The following ZNF407 variants were observed in gnomAD, a reference collection of about 807,000 sequenced individuals.
ZNF407 encodes the protein zinc finger protein 407.
A neutral mutation model predicts 131.2 loss-of-function variants in ZNF407; 17 were observed. The ratio of observed to expected loss-of-function variants is 0.13; its 90% CI spans 0.09 to 0.19. ZNF407 has a LOEUF of 0.19. Among genes scored for constraint, ZNF407 ranks in the 10% least tolerant of loss-of-function variants. ZNF407 has a pLI of 1.00. For missense variants in ZNF407, 2,681 were observed against 2,830.6 expected, an observed-to-expected ratio of 0.95 and a Z score of 1.20; for synonymous variants, 1,156 against 1,062.0, an observed-to-expected ratio of 1.09 and a Z score of -1.72.
chr18:74,745,399 C>T (rs1333874160), intron 3 of ZNF407, among the ~76,000 whole-genome samples: 1 of 152,020 alleles, frequency 6.6e-6, no homozygotes, highest in African/African-American at 2.4e-5. Flanking sequence ...TTCTCAATCT[C>T]ACCTGACAAA....
At chr18:74,916,880 C>A (rs1971779011) in intron 7 of ZNF407, among the ~76,000 whole-genome samples, 1 of 151,942 alleles carries the variant, frequency 6.6e-6, no homozygotes, top group African/African-American at 2.4e-5. Context: ...TGATAATTAG[C>A]AGTAGCTGCA....
chr18:74,615,985 T>G (rs888003195), intron 1 of ZNF407, among the ~76,000 whole-genome samples: 6 of 152,104 alleles, frequency 3.9e-5, no homozygotes, highest in Non-Finnish European at 7.4e-5. Flanking sequence ...TGCCTCAGCC[T>G]CCCTAGTAGC....
intron 8 of ZNF407, among the ~76,000 whole-genome samples, chr18:74,931,457 G>A (rs970144509): frequency 1.3e-5 from 2 of 152,118 alleles, no homozygotes; most frequent in Non-Finnish European, 2.9e-5. Context: ...TGGAAAATAT[G>A]CTCAACACCA....
At chr18:74,781,607 A>G in intron 4 of ZNF407, 105 bp downstream of exon 4, 1 of 784,678 alleles carries the variant, frequency 1.3e-6, no homozygotes, top group East Asian at 3.1e-5. Flanking sequence ...TCAGTTAATC[A>G]TGTTTCTATT....
At chr18:74,970,525 C>T (rs1972460452) in intron 8 of ZNF407, among the ~76,000 whole-genome samples, 1 of 152,170 alleles carries the variant, frequency 6.6e-6, no homozygotes, top group African/African-American at 2.4e-5. Flanking sequence ...GTTACAGGGC[C>T]CATTCCAATT....
At chr18:74,666,777 G>T (rs537740301) in intron 3 of ZNF407, among the ~76,000 whole-genome samples, 68 of 152,288 alleles carry the variant, frequency 4.5e-4, no homozygotes, top group South Asian at 6.2e-4. Context: ...GTGAAATGCG[G>T]TTTCTGAATG....
At chr18:74,687,941 G>A (rs1035190091) in intron 3 of ZNF407, among the ~76,000 whole-genome samples, 6 of 151,978 alleles carry the variant, frequency 3.9e-5, no homozygotes, top group Non-Finnish European at 8.8e-5. Flanking sequence ...ATTATAGAAT[G>A]CTTTAAATAT....
chr18:74,634,403 T>G lies in ZNF407; in HGVS notation c.3384T>G (p.Ser1128=). Residue 1128 remains serine (S), a synonymous_variant, in exon 2 of 9, where the codon TCT becomes TCG. Coordinates refer to ENST00000299687, the MANE Select transcript of ZNF407 (RefSeq NM_017757.3). ...TLKSRNAADC[S]ILNENTNLDM... is the part of the protein sequence containing the mutation. ...AATCTAGAAATGCTGCAGATTGCTCTATTTTAAATGAGAATACTAATTTAG... is the reference window on the plus strand; with the variant it reads ...AATCTAGAAATGCTGCAGATTGCTCGATTTTAAATGAGAATACTAATTTAG... 1 of 1,613,620 alleles carries G rather than the reference T, an allele frequency of 6.2e-7. No homozygotes were observed. Among genetic ancestry groups the G allele is most frequent in the Non-Finnish European group, 8.5e-7 (1 of 1,179,842 alleles).
At chr18:74,612,351 A>G (rs141139034) in intron 1 of ZNF407, among the ~76,000 whole-genome samples, 18 of 152,316 alleles carry the variant, frequency 1.2e-4, no homozygotes, top group Admixed American at 5.2e-4. Context: ...TTGAAGTATT[A>G]TCTGCACTCA....
At chr18:74,990,566 T>G (rs888086598) in intron 8 of ZNF407, among the ~76,000 whole-genome samples, 1 of 152,362 alleles carries the variant, frequency 6.6e-6, no homozygotes, top group African/African-American at 2.4e-5. Flanking sequence ...ACCAAAGTTT[T>G]TATAACTTCA....
At chr18:75,046,967 A>C (rs1973442860) in intron 8 of ZNF407, among the ~76,000 whole-genome samples, 1 of 152,220 alleles carries the variant, frequency 6.6e-6, no homozygotes, top group Admixed American at 6.5e-5. Context: ...CTGAAGAAAA[A>C]GGGAAGGAAA....
intron 3 of ZNF407, among the ~76,000 whole-genome samples, chr18:74,695,413 G>A (rs1967328000): frequency 6.6e-6 from 1 of 152,118 alleles, no homozygotes; most frequent in Non-Finnish European, 1.5e-5. Context: ...GGTGACAATA[G>A]CGTTCTGGTT....
intron 8 of ZNF407, among the ~76,000 whole-genome samples, chr18:75,020,316 ATGTGTGTGTGTG>A (rs56845489): frequency 6.7e-6 from 1 of 149,654 alleles, no homozygotes; most frequent in Non-Finnish European, 1.5e-5. Flanking sequence ...GTGTATGTGC[ATGTGTGTGTGTG>A]TGTGTGTGTG....
Position 75,054,872 on chromosome 18 carries a change from C to G in ZNF407, c.5429-8278C>G, listed in dbSNP as rs367601950. Reference sequence around the variant, plus strand: ...CCTGAGGGACTGACATTCCACAGCTCTTTTCCAAGCATGGGCTCCCCCCCA... The same window carrying G: ...CCTGAGGGACTGACATTCCACAGCTGTTTTCCAAGCATGGGCTCCCCCCCA... On this transcript the variant is annotated intron_variant, in intron 8 of 8. Transcript: ENST00000299687. Among the ~76,000 whole-genome samples, 141 of 152,338 alleles carry G rather than the reference C, an allele frequency of 9.3e-4. 1 individual carries two copies. The highest frequency in any genetic ancestry group is 3.2e-3 in the African/African-American group (133 of 41,588).
At chr18:74,989,968 A>G (rs776209859) in intron 8 of ZNF407, among the ~76,000 whole-genome samples, 1 of 152,206 alleles carries the variant, frequency 6.6e-6, no homozygotes, top group African/African-American at 2.4e-5. Context: ...TATGAAAATG[A>G]TATTCTCTGA....
intron 8 of ZNF407, among the ~76,000 whole-genome samples, chr18:75,030,811 T>C (rs1221903953): frequency 6.6e-6 from 1 of 152,188 alleles, no homozygotes; most frequent in Non-Finnish European, 1.5e-5. Flanking sequence ...CCCACCCTGC[T>C]GCTGTCTAAG....
chr18:74,686,012 G>A (rs563059422), intron 3 of ZNF407, among the ~76,000 whole-genome samples: 2 of 152,292 alleles, frequency 1.3e-5, no homozygotes, highest in Non-Finnish European at 2.9e-5. Context: ...TATAATCGGC[G>A]CTTAATAAGT....
At chr18:74,904,641 G>A (rs544740861) in intron 7 of ZNF407, among the ~76,000 whole-genome samples, 7 of 152,144 alleles carry the variant, frequency 4.6e-5, no homozygotes, top group Admixed American at 6.5e-5. Context: ...ATTTTTCTAT[G>A]GAGTGGAGGG....
intron 7 of ZNF407, among the ~76,000 whole-genome samples, chr18:74,901,864 ATGT>A (rs1027038437): frequency 6.6e-6 from 1 of 151,224 alleles, no homozygotes; most frequent in Non-Finnish European, 1.5e-5. Context: ...AAAACACTGT[ATGT>A]TGTTCTGTAA....
Sources: gnomAD v4.1 joint callset for allele counts (sites outside exome capture counted in the v4.1 genomes callset) on GRCh38, gnomAD v4.1.1 for gene constraint, MANE v1.5 for transcripts, NCBI Gene and HGNC (gene_info 2026-07-23, HGNC 2026-07-21) for gene names.